AGBL1: variants seen among roughly 807,000 people sequenced by gnomAD.
AGBL1 encodes the protein AGBL carboxypeptidase 1.
Under a neutral mutation model 118.9 loss-of-function variants are expected in AGBL1, and 130 were observed. The observed-to-expected ratio is 1.09, with a 90% CI of 0.95 to 1.26. AGBL1 has a LOEUF of 1.26. AGBL1 is among the 50% of genes most tolerant of loss of function. The pLI, the probability that AGBL1 is intolerant of heterozygous loss-of-function variation, is 0.00. For synonymous variants in AGBL1, 555 were observed against 478.9 expected, an observed-to-expected ratio of 1.16 and a Z score of -2.08; for missense variants, 1,584 against 1,298.1, an observed-to-expected ratio of 1.22 and a Z score of -3.38.
intron 17 of AGBL1, among the ~76,000 whole-genome samples, chr15:86,314,290 G>A (rs2079964722): frequency 1.3e-5 from 2 of 152,208 alleles, no homozygotes; most frequent in African/African-American, 4.8e-5. Context: ...CCTGTTGCAT[G>A]CTACTTCATT....
At chr15:86,570,575 A>G (rs182870061) in intron 21 of AGBL1, among the ~76,000 whole-genome samples, 1 of 152,294 alleles carries the variant, frequency 6.6e-6, no homozygotes, top group Non-Finnish European at 1.5e-5. Context: ...CATGGTGTCC[A>G]TGAGTGTTAA....
chr15:86,704,065 G>T (rs1035735197), intron 22 of AGBL1, among the ~76,000 whole-genome samples: 1 of 152,158 alleles, frequency 6.6e-6, no homozygotes, highest in Non-Finnish European at 1.5e-5. Context: ...AATGAATGGT[G>T]CCAGGAAAAC....
At chr15:86,890,112 C>A (rs551372625) in intron 22 of AGBL1, among the ~76,000 whole-genome samples, 1 of 152,292 alleles carries the variant, frequency 6.6e-6, no homozygotes, top group East Asian at 1.9e-4. Flanking sequence ...GATAGTATCA[C>A]ACTGTGGTTT....
chr15:86,605,313 T>TA (rs199504928), intron 21 of AGBL1, among the ~76,000 whole-genome samples: 191 of 145,856 alleles, frequency 1.3e-3, no homozygotes, highest in Middle Eastern at 3.5e-3. Context: ...ACTTTTTAAA[T>TA]AAAAAAAAAA....
chr15:86,819,989 G>A (rs141624662), intron 22 of AGBL1, among the ~76,000 whole-genome samples: 349 of 151,976 alleles, frequency 2.3e-3, no homozygotes, highest in African/African-American at 7.7e-3. Flanking sequence ...ATAATGTCAC[G>A]TATCTACAAC....
chr15:86,280,820 C>A (rs533405333), intron 16 of AGBL1, among the ~76,000 whole-genome samples: 3 of 152,182 alleles, frequency 2.0e-5, no homozygotes, highest in Non-Finnish European at 4.4e-5. Flanking sequence ...CATGAAAGTG[C>A]ATCTGTCCTC....
In AGBL1 at chr15:86,269,996, G is replaced by C. The variant is rs375036488; in HGVS notation, c.1916G>C (p.Gly639Ala). The C allele has an allele frequency of 1.2e-6, 2 of 1,613,644 alleles. No homozygotes were observed. The change falls in exon 14 of 23, where the codon GGT becomes GCT. Residue 639 changes from glycine to alanine, a missense_variant. Physicochemically the swap from Gly to Ala is moderately conservative, Grantham distance 60 (BLOSUM62 0). Transcript: ENST00000614907. The part of the protein sequence containing the change: ...HQQWFYFKVS[G>A]MQAAIPYHFN... ...CAGTGGTTCTATTTCAAAGTGAGCG[G>C]TATGCAGGCGGCCATCCCTTACCAC...
chr15:86,215,322 G>A (rs1012981593), intron 5 of AGBL1, among the ~76,000 whole-genome samples: 1 of 151,658 alleles, frequency 6.6e-6, no homozygotes, highest in African/African-American at 2.4e-5. Context: ...CGCTGTAGCA[G>A]ATGGTATTCT....
At chr15:86,292,057 C>T (rs2079555298) in intron 16 of AGBL1, among the ~76,000 whole-genome samples, 1 of 152,122 alleles carries the variant, frequency 6.6e-6, no homozygotes, top group Non-Finnish European at 1.5e-5. Flanking sequence ...GTTTATTGCT[C>T]ATGTTGGCAT....
chr15:86,962,274 A>G (rs2141687551), intron 23 of AGBL1, among the ~76,000 whole-genome samples: 1 of 152,142 alleles, frequency 6.6e-6, no homozygotes, highest in South Asian at 2.1e-4. Flanking sequence ...CAGAAGTGGG[A>G]GAGAGGATTT....
chr15:86,987,219 A>G (rs2081294155), intron 23 of AGBL1, among the ~76,000 whole-genome samples: 1 of 152,202 alleles, frequency 6.6e-6, no homozygotes, highest in Non-Finnish European at 1.5e-5. Context: ...TGCAGGTCAC[A>G]GGGGATATGA....
intron 18 of AGBL1, among the ~76,000 whole-genome samples, chr15:86,521,297 C>A (rs910542684): frequency 2.0e-5 from 3 of 152,086 alleles, no homozygotes; most frequent in South Asian, 2.1e-4. Flanking sequence ...TCAAACAAAA[C>A]AAAACAGAAA....
At chr15:86,179,126 A>G (rs1012254028) in intron 5 of AGBL1, among the ~76,000 whole-genome samples, 9 of 152,228 alleles carry the variant, frequency 5.9e-5, no homozygotes, top group African/African-American at 2.2e-4. Context: ...GGCACTCTGC[A>G]ATCTTGATTC....
intron 24 of AGBL1, among the ~76,000 whole-genome samples, chr15:86,999,239 C>G (rs1567279657): frequency 6.7e-6 from 1 of 149,158 alleles, no homozygotes; most frequent in Admixed American, 6.7e-5. Context: ...TTTTATTATA[C>G]TTTTAAGTTT....
chr15:86,964,328 A>C (rs953798365), intron 23 of AGBL1, among the ~76,000 whole-genome samples: 2 of 151,828 alleles, frequency 1.3e-5, no homozygotes, highest in Middle Eastern at 3.2e-3. Context: ...GTGGAGGGTT[A>C]TGCTATGTAT....
chr15:86,726,268 A>T lies in AGBL1; in HGVS notation c.3158+51832A>T, dbSNP rs367775224. ...TTGTTTTCTGGTCCATAGTTCAGTG[A>T]CAGATGCAAGATCTGGAAAAGGCAG... On this transcript the variant is annotated intron_variant, in intron 22 of 22. Coordinates refer to ENST00000614907, the MANE Select transcript of AGBL1 (RefSeq NM_001386094.1). 3.3e-5 allele frequency among the ~76,000 whole-genome samples: 5 copies of T among 152,310 alleles called. No homozygotes were observed. In the East Asian group the frequency reaches 9.7e-4, roughly 29 times the overall value.
At chr15:86,651,602 T>C (rs890590105) in intron 21 of AGBL1, among the ~76,000 whole-genome samples, 1 of 152,196 alleles carries the variant, frequency 6.6e-6, no homozygotes. Context: ...CTAGCCTGGC[T>C]CCTGGAGCAT....
intron 22 of AGBL1, among the ~76,000 whole-genome samples, chr15:86,860,889 A>G (rs2079550841): frequency 6.6e-6 from 1 of 152,050 alleles, no homozygotes; most frequent in African/African-American, 2.4e-5. Flanking sequence ...AAGTTGAGGG[A>G]GAGGCTTTTT....
intron 9 of AGBL1, among the ~76,000 whole-genome samples, chr15:86,258,987 G>A (rs1303090908): frequency 1.3e-5 from 2 of 152,242 alleles, no homozygotes; most frequent in Non-Finnish European, 2.9e-5. Flanking sequence ...TTACAGGCAT[G>A]AGCCACTGTG....
Sources: gnomAD v4.1 joint callset for allele counts (sites outside exome capture counted in the v4.1 genomes callset) on GRCh38, gnomAD v4.1.1 for gene constraint, MANE v1.5 for transcripts, NCBI Gene and HGNC (gene_info 2026-07-23, HGNC 2026-07-21) for gene names.